The following ABLIM2 variants were observed in gnomAD, a reference collection of about 807,000 sequenced individuals.
ABLIM2 encodes actin-binding LIM protein 2.
ABLIM2 carries 53 observed loss-of-function variants against 97.7 expected under a neutral mutation model. That is an observed-to-expected ratio of 0.54 (90% CI 0.44 to 0.68). ABLIM2 has a LOEUF of 0.68. Ranked by LOEUF, ABLIM2 falls within the 30% of genes least tolerant of loss-of-function variation. The pLI is 0.00. For missense variants in ABLIM2, 835 were observed against 867.2 expected, an observed-to-expected ratio of 0.96 and a Z score of 0.47; for synonymous variants, 361 against 345.8, an observed-to-expected ratio of 1.04 and a Z score of -0.49.
Position 8,054,357 on chromosome 4 carries a change from C to T in ABLIM2, c.764-111G>A. ...GTCCATGCACAGACGTGCACTCGGA[C>T]TCCACCCTCCAAGCGGCCCTGAGCA... On this transcript the variant is annotated intron_variant, in intron 7 of 20. Coordinates refer to ENST00000447017, the MANE Select transcript of ABLIM2 (RefSeq NM_001130083.2). This position sits in a 1 kb window ranked among gnomAD's most constrained non-coding sequence, Gnocchi z 4.9. 3 of 1,151,324 alleles carry T rather than the reference C, an allele frequency of 2.6e-6. No individual in the cohort carries two copies. Among genetic ancestry groups the T allele is most frequent in the Non-Finnish European group, 3.8e-6 (3 of 785,956 alleles). The allele number at this position is 1,151,324 out of a possible 1,614,324, so 71.3% of individuals were successfully genotyped here.
chr4:8,130,933 C>T lies in ABLIM2; in HGVS notation c.11-24296G>A, dbSNP rs1018146913. Among the ~76,000 whole-genome samples, 3 of 152,160 alleles carry T rather than the reference C, an allele frequency of 2.0e-5. No homozygotes were observed. Among genetic ancestry groups the T allele is most frequent in the African/African-American group, 7.2e-5 (3 of 41,428 alleles). On this transcript the variant is annotated intron_variant, in intron 1 of 20. Coordinates refer to ENST00000447017, the MANE Select transcript of ABLIM2 (RefSeq NM_001130083.2). This position sits in a 1 kb window ranked among gnomAD's most constrained non-coding sequence, Gnocchi z 4.2. ...GCAAGGTGGCCCCAGGGCTGAGCTC[C>T]CCCAAAGGCTCTAGGGGAGGCTGCC...
intron 3 of ABLIM2, among the ~76,000 whole-genome samples, chr4:8,091,385 TATATATAATTATATGTA>T (rs1422832004): frequency 2.0e-5 from 1 of 50,164 alleles, no homozygotes; most frequent in Non-Finnish European, 3.7e-5. Context: ...ATAATTATAT[TATATATAATTATATGTA>T]ATATATAATT....
At position 7,999,130 on chromosome 4, in the gene ABLIM2, A is replaced by G. The variant is rs756851768; in HGVS notation, c.1619-6203T>C. Among the ~76,000 whole-genome samples, 2 of 152,088 alleles carry G rather than the reference A, an allele frequency of 1.3e-5. No homozygotes were observed. Among genetic ancestry groups the G allele is most frequent in the African/African-American group, 2.4e-5 (1 of 41,390 alleles). ...CCCCGGGCTGGAGTACAATGGCGTG[A>G]TCTTGGCTCACTGCAACCTCCTGGG... On this transcript the variant is annotated intron_variant, in intron 16 of 20. Coordinates refer to ENST00000447017, the MANE Select transcript of ABLIM2 (RefSeq NM_001130083.2). The surrounding 1 kb of genome is among the most constrained non-coding windows in gnomAD (Gnocchi z 4.4).
intron 1 of ABLIM2, among the ~76,000 whole-genome samples, chr4:8,153,506 G>C (rs963991833): frequency 2.0e-5 from 3 of 152,180 alleles, no homozygotes; most frequent in African/African-American, 7.2e-5. Context: ...TACAATCTCA[G>C]ATGAATTTCT....
intron 1 of ABLIM2, among the ~76,000 whole-genome samples, chr4:8,145,888 T>A (rs1006999323): frequency 6.6e-6 from 1 of 151,594 alleles, no homozygotes; most frequent in Non-Finnish European, 1.5e-5. Flanking sequence ...CAAGAGGACC[T>A]GGCCAGCCGC....
Position 7,966,867 on chromosome 4 carries a change from T to TCCC in ABLIM2, c.*120_*122dup. Reference sequence around the variant, plus strand: ...GGGCCGCACCTGCTGGGGGACCCCCTCCCGCCCACCCCATGGACACAGAGA... The same window carrying TCCC: ...GGGCCGCACCTGCTGGGGGACCCCCTCCCCCCGCCCACCCCATGGACACAGAGA... On this transcript the variant is annotated 3_prime_UTR_variant, in exon 21 of 21. Transcript: ENST00000447017. The TCCC allele has an allele frequency of 2.8e-5, 2 of 72,712 alleles. No individual in the cohort carries two copies. Among genetic ancestry groups the TCCC allele is most frequent in the South Asian group, 1.4e-4 (1 of 7,400 alleles). 4.5% of individuals were successfully genotyped at this position (72,712 alleles called of 1,614,324 possible). A position where few individuals can be genotyped will look rare whatever the true frequency, so the allele number is the denominator to read the frequency against.
chr4:8,032,679 G>T lies in ABLIM2; in HGVS notation c.1048-2903C>A. 1 of 1,612,546 alleles carries T rather than the reference G, an allele frequency of 6.2e-7. No individual in the cohort carries two copies. Among genetic ancestry groups the T allele is most frequent in the Non-Finnish European group, 8.5e-7 (1 of 1,179,800 alleles). ...CGGCGTTGGCGAGAGCAACTGAGGG[G>T]ACTGTGGACACAACACACAAAGTGG... is the stretch of plus-strand genomic sequence containing the variant. On this transcript the variant is annotated intron_variant, in intron 10 of 20. Transcript: ENST00000447017. This position sits in a 1 kb window ranked among gnomAD's most constrained non-coding sequence, Gnocchi z 4.3.
intron 14 of ABLIM2, among the ~76,000 whole-genome samples, chr4:8,017,973 C>A (rs1328510679): frequency 2.1e-5 from 3 of 145,716 alleles, no homozygotes; most frequent in African/African-American, 7.7e-5. Context: ...AGCCTGGTGA[C>A]AGAGCGAGAC....
At chr4:8,129,902 T>C (rs1209353671) in intron 1 of ABLIM2, among the ~76,000 whole-genome samples, 2 of 152,196 alleles carry the variant, frequency 1.3e-5, no homozygotes, top group Non-Finnish European at 2.9e-5. Context: ...AGAGGAGACC[T>C]CTTCCATGCT....
chr4:8,078,997 T>C (rs983537406), intron 5 of ABLIM2, among the ~76,000 whole-genome samples: 10 of 152,226 alleles, frequency 6.6e-5, no homozygotes, highest in African/African-American at 2.4e-4. Flanking sequence ...CAGGCTGTCA[T>C]GGATTAGACC....
At chr4:8,156,899 G>C (rs1715547201) in intron 1 of ABLIM2, among the ~76,000 whole-genome samples, 1 of 152,262 alleles carries the variant, frequency 6.6e-6, no homozygotes, top group Non-Finnish European at 1.5e-5. Context: ...GCTGGGGACA[G>C]GGCTGGGCAG....
At chr4:8,145,468 G>A (rs532043729) in intron 1 of ABLIM2, among the ~76,000 whole-genome samples, 1 of 152,206 alleles carries the variant, frequency 6.6e-6, no homozygotes, top group African/African-American at 2.4e-5. Flanking sequence ...ACAGGCATGA[G>A]CTACCGCGCC....
intron 6 of ABLIM2, among the ~76,000 whole-genome samples, chr4:8,076,431 G>A (rs559215856): frequency 4.6e-5 from 7 of 152,234 alleles, no homozygotes; most frequent in Admixed American, 2.6e-4. Context: ...TGGCCTCTGC[G>A]GCAGCCAGTG....
Position 7,983,563 on chromosome 4 carries a change from G to C in ABLIM2, c.1736-9C>G, listed in dbSNP as rs1200593731. ...CCCGCTTACCTTGTATTCTGTAAGA[G>C]AGAGAGAGCGGAGACCACGAAATGG... On this transcript the variant is annotated splice_polypyrimidine_tract_variant and intron_variant, in intron 18 of 20. Coordinates refer to ENST00000447017, the MANE Select transcript of ABLIM2 (RefSeq NM_001130083.2). 4.3e-6 allele frequency: 7 copies of C among 1,612,970 alleles called. No individual in the cohort carries two copies. In the East Asian group the frequency reaches 8.9e-5, roughly 21 times the overall value.
At chr4:8,014,452 G>A (rs1187756883) in intron 14 of ABLIM2, among the ~76,000 whole-genome samples, 1 of 152,218 alleles carries the variant, frequency 6.6e-6, no homozygotes, top group Non-Finnish European at 1.5e-5. Context: ...ATGACATTGA[G>A]AGGAAGAGAG....
chr4:8,157,709 T>C (rs1715830001), intron 1 of ABLIM2, among the ~76,000 whole-genome samples: 1 of 152,238 alleles, frequency 6.6e-6, no homozygotes, highest in Non-Finnish European at 1.5e-5. Flanking sequence ...CCAAGGGCCA[T>C]ACTGCAGTCC....
Position 7,995,454 on chromosome 4 carries a change from C to T in ABLIM2, c.1619-2527G>A, listed in dbSNP as rs1036761731. On this transcript the variant is annotated intron_variant, in intron 16 of 20. Transcript: ENST00000447017. ...GGCAAGGCAGGTTCTGTGCACAGAACTGCCCACCCGCTCTCTCCGGGGACC... is the reference window on the plus strand; with the variant it reads ...GGCAAGGCAGGTTCTGTGCACAGAATTGCCCACCCGCTCTCTCCGGGGACC... Among the ~76,000 whole-genome samples the T allele has an allele frequency of 9.2e-5, 14 of 152,362 alleles. No homozygotes were observed. In the South Asian group the frequency reaches 2.1e-3, roughly 23 times the overall value.
intron 3 of ABLIM2, among the ~76,000 whole-genome samples, chr4:8,093,747 A>G (rs559803138): frequency 7.2e-5 from 11 of 152,294 alleles, no homozygotes; most frequent in Non-Finnish European, 1.0e-4. Context: ...GTTCCTCTGT[A>G]AATAATTTTT....
rs547020763 is a variant in ABLIM2 at position 8,128,006 on chromosome 4, G to C, written c.11-21369C>G. ...ATGGGGGCTTCAAACAACAGATACGGATTCTCTCGCAGTTCTGGGGGCCAG... is the reference window on the plus strand; with the variant it reads ...ATGGGGGCTTCAAACAACAGATACGCATTCTCTCGCAGTTCTGGGGGCCAG... On this transcript the variant is annotated intron_variant, in intron 1 of 20. Coordinates refer to ENST00000447017, the MANE Select transcript of ABLIM2 (RefSeq NM_001130083.2). The surrounding 1 kb of genome is among the most constrained non-coding windows in gnomAD (Gnocchi z 4.9). Among the ~76,000 whole-genome samples, 35 of 152,312 alleles carry C rather than the reference G, an allele frequency of 2.3e-4. No homozygotes were observed. Among genetic ancestry groups the C allele is most frequent in the African/African-American group, 8.4e-4 (35 of 41,578 alleles).
Sources: gnomAD v4.1 joint callset for allele counts (sites outside exome capture counted in the v4.1 genomes callset) on GRCh38, gnomAD v4.1.1 for gene constraint, Gnocchi (gnomAD v3.1) non-coding constraint, MANE v1.5 for transcripts, NCBI Gene and HGNC (gene_info 2026-07-23, HGNC 2026-07-21) for gene names.